KCNN2: variants seen among roughly 807,000 people sequenced by gnomAD.
KCNN2 encodes the protein small conductance calcium-activated potassium channel protein 2.
In KCNN2, 24 loss-of-function variants were observed where a neutral mutation model predicts 55.5. The observed-to-expected ratio is 0.43, with a 90% CI of 0.31 to 0.61. The LOEUF is 0.61. KCNN2 is among the 20% of genes least tolerant of loss of function. The pLI, the probability that KCNN2 is intolerant of heterozygous loss-of-function variation, is 0.08. For missense variants in KCNN2, 754 were observed against 853.6 expected, an observed-to-expected ratio of 0.88 and a Z score of 1.45; for synonymous variants, 431 against 336.1, an observed-to-expected ratio of 1.28 and a Z score of -3.09.
At chr5:114,131,190 A>G (rs1294955650) in intron 1 of KCNN2, among the ~76,000 whole-genome samples, 3 of 152,104 alleles carry the variant, frequency 2.0e-5, no homozygotes, top group Non-Finnish European at 4.4e-5. Flanking sequence ...AAATAGGTAA[A>G]CACATACCAT....
intron 3 of KCNN2, among the ~76,000 whole-genome samples, chr5:114,444,555 G>T (rs1760331739): frequency 6.6e-6 from 1 of 152,088 alleles, no homozygotes; most frequent in Admixed American, 6.5e-5. Context: ...TGCTCAATTT[G>T]AGAATGTTTG....
intron 4 of KCNN2, among the ~76,000 whole-genome samples, chr5:114,465,919 A>G (rs1010839115): frequency 6.6e-6 from 1 of 152,168 alleles, no homozygotes; most frequent in Non-Finnish European, 1.5e-5. Context: ...GCAGATTCCC[A>G]TGGAGTCAGG....
intron 1 of KCNN2, among the ~76,000 whole-genome samples, chr5:114,176,419 C>A (rs1031874023): frequency 6.6e-6 from 1 of 152,036 alleles, no homozygotes; most frequent in Non-Finnish European, 1.5e-5. Context: ...CTGCTTTTCC[C>A]AGGGTTCAAA....
intron 2 of KCNN2, among the ~76,000 whole-genome samples, chr5:114,259,199 T>A (rs1223245424): frequency 6.6e-6 from 1 of 152,202 alleles, no homozygotes. Context: ...GTGTTCTGGT[T>A]TCCTTTCTCC....
rs368719886 is a variant in KCNN2 at position 114,496,152 on chromosome 5, A to G, written c.2346A>G (p.Thr782=). ...CCAGGAGGCGGCGGTCCTCTTCCACAGCACCACCAACTTCATCAGAGAGTA... is the reference window on the plus strand; with the variant it reads ...CCAGGAGGCGGCGGTCCTCTTCCACGGCACCACCAACTTCATCAGAGAGTA... ...SSSRRRRSSS[T]APPTSSESS Residue 782 remains threonine, a synonymous_variant, in exon 8 of 8, where the codon ACA becomes ACG. Coordinates refer to ENST00000673685, the MANE Select transcript of KCNN2 (RefSeq NM_021614.4). 6.2e-7 allele frequency: 1 copy of G among 1,613,894 alleles called. No homozygotes were observed. Among genetic ancestry groups the G allele is most frequent in the Non-Finnish European group, 8.5e-7 (1 of 1,179,966 alleles).
At chr5:114,397,975 GGTTGTCT>G (rs1305184025) in intron 2 of KCNN2, among the ~76,000 whole-genome samples, 1 of 152,100 alleles carries the variant, frequency 6.6e-6, no homozygotes, top group Non-Finnish European at 1.5e-5. Flanking sequence ...TCTTTTTATA[GGTTGTCT>G]GTTTACTGTG....
At chr5:114,291,489 T>G (rs1755886415) in intron 2 of KCNN2, among the ~76,000 whole-genome samples, 1 of 152,214 alleles carries the variant, frequency 6.6e-6, no homozygotes, top group South Asian at 2.1e-4. Context: ...GGTTTCCAAT[T>G]TCATCCATGT....
Position 114,331,782 on chromosome 5 carries a change from T to G in KCNN2, c.-184-29163T>G, listed in dbSNP as rs79908856. Among the ~76,000 whole-genome samples, 850 of 152,354 alleles carry G rather than the reference T, an allele frequency of 5.6e-3. 6 individuals are homozygous for G. Among genetic ancestry groups the G allele is most frequent in the African/African-American group, 0.019 (802 of 41,586 alleles). ...TCTGTAAGTAACAGGACCAATTTTC[T>G]TCAAAAATATTCTTTTTTTTCTTCA... On this transcript the variant is annotated intron_variant, in intron 2 of 10. Transcript: ENST00000512097.
In KCNN2 at chr5:114,335,787, G is replaced by A. The variant is rs987617807; in HGVS notation, c.-184-25158G>A. On this transcript the variant is annotated intron_variant, in intron 2 of 10. Transcript: ENST00000512097. ...AAGAAAAAAAGATATAGTAAGAGTG[G>A]TTAGAAATATGGGAAGAGGTTCAGA... 3.3e-5 allele frequency among the ~76,000 whole-genome samples: 5 copies of A among 152,158 alleles called. No homozygotes were observed. The East Asian group carries it at 9.6e-4, about 29-fold the overall frequency.
rs985528315 is a variant in KCNN2, at chr5:114,434,771, G to A, written c.1638-28278G>A. ...CTCTCCCATTTAGATGCAACAGTAAGGCTAGAAGGGGCTGAAGTGGGGGTG... is the reference window on the plus strand; with the variant it reads ...CTCTCCCATTTAGATGCAACAGTAAAGCTAGAAGGGGCTGAAGTGGGGGTG... On this transcript the variant is annotated intron_variant, in intron 3 of 7. Transcript: ENST00000673685. Among the ~76,000 whole-genome samples, 4 of 152,262 alleles carry A rather than the reference G, an allele frequency of 2.6e-5. No homozygotes were observed. In the South Asian group the frequency reaches 8.3e-4, roughly 32 times the overall value.
intron 2 of KCNN2, among the ~76,000 whole-genome samples, chr5:114,286,334 A>T (rs1264608905): frequency 6.6e-6 from 1 of 152,122 alleles, no homozygotes; most frequent in African/African-American, 2.4e-5. Context: ...GCAGTTAGAG[A>T]TGTTTGAAAG....
chr5:114,234,413 G>A (rs1160776799), intron 2 of KCNN2, among the ~76,000 whole-genome samples: 1 of 152,126 alleles, frequency 6.6e-6, no homozygotes, highest in Non-Finnish European at 1.5e-5. Context: ...TTAACTTTAC[G>A]ATTCTGTTAG....
intron 2 of KCNN2, among the ~76,000 whole-genome samples, chr5:114,340,314 T>C (rs1480697104): frequency 6.6e-6 from 1 of 152,166 alleles, no homozygotes; most frequent in Middle Eastern, 3.2e-3. Context: ...ACAACCAAAT[T>C]ACAATGTATT....
intron 1 of KCNN2, among the ~76,000 whole-genome samples, chr5:114,213,466 CAAGA>C (rs1439332429): frequency 6.6e-6 from 1 of 150,868 alleles, no homozygotes; most frequent in African/African-American, 2.4e-5. Context: ...AATAAATTGT[CAAGA>C]AAGAGTTTAT....
rs1030084846 is a variant in KCNN2, at chr5:114,272,474, T to C, written c.-185+50909T>C. Among the ~76,000 whole-genome samples the C allele has an allele frequency of 2.0e-4, 30 of 151,022 alleles. 1 individual carries two copies. The highest frequency in any genetic ancestry group is 8.4e-4 in the South Asian group (4 of 4,778). On this transcript the variant is annotated intron_variant, in intron 2 of 10. Transcript: ENST00000512097. ...TATGTATGTACATATCATACACACA[T>C]ATGTATGTACATATCATATACACAT...
chr5:114,086,353 G>A (rs1305660756), intron 1 of KCNN2, among the ~76,000 whole-genome samples: 1 of 151,504 alleles, frequency 6.6e-6, no homozygotes, highest in Non-Finnish European at 1.5e-5. Context: ...GTGATGCTGG[G>A]GTTTGGGGTA....
intron 3 of KCNN2, among the ~76,000 whole-genome samples, chr5:114,454,219 C>T (rs1028329791): frequency 6.6e-6 from 1 of 152,118 alleles, no homozygotes; most frequent in East Asian, 1.9e-4. Flanking sequence ...TTACATAGTT[C>T]AGGAGTCCTG....
upstream of KCNN2, among the ~76,000 whole-genome samples, chr5:114,361,750 CCTTT>C (rs1354976064): frequency 2.6e-5 from 4 of 152,282 alleles, no homozygotes; most frequent in Non-Finnish European, 1.5e-5. Flanking sequence ...GGGAGGGGCG[CCTTT>C]CTCTTTTCTC....
Position 114,363,965 on chromosome 5 carries a change from C to G in KCNN2, c.1182C>G (p.Leu394=), listed in dbSNP as rs764789546. 6.2e-7 allele frequency: 1 copy of G among 1,613,884 alleles called. No individual in the cohort carries two copies. Among genetic ancestry groups the G allele is most frequent in the South Asian group, 1.1e-5 (1 of 91,070 alleles). Residue 394 remains leucine (L), a synonymous_variant, in exon 2 of 8, where the codon CTC becomes CTG. Coordinates refer to ENST00000673685, the MANE Select transcript of KCNN2 (RefSeq NM_021614.4). The part of the protein sequence containing the change: ...CLISLSTIIL[L]GLIIVYHARE... ...TCAGTCTCTCCACGATCATCCTGCT[C>G]GGTCTGATCATCGTGTACCACGCCA...
Sources: allele counts gnomAD v4.1 joint callset (sites outside exome capture counted in the v4.1 genomes callset), GRCh38; gene constraint gnomAD v4.1.1; transcripts MANE v1.5; gene names NCBI Gene and HGNC (gene_info 2026-07-23, HGNC 2026-07-21).